DNAI2: variants seen among roughly 807,000 people sequenced by gnomAD.
The protein encoded by DNAI2 is dynein axonemal intermediate chain 2, also known as dynein, axonemal, intermediate polypeptide 2.
A neutral mutation model predicts 74.7 loss-of-function variants in DNAI2; 63 were observed. That is an observed-to-expected ratio of 0.84 (90% CI 0.69 to 1.04). DNAI2 has a LOEUF of 1.04. Ranked by LOEUF, DNAI2 falls within the 50% of genes least tolerant of loss-of-function variation. The pLI, the probability that DNAI2 is intolerant of heterozygous loss-of-function variation, is 0.00. For missense variants in DNAI2, 688 were observed against 803.2 expected (o/e 0.86, Z 1.73); for synonymous variants, 289 against 314.9 (o/e 0.92, Z 0.87).
chr17:74,276,339 G>A (rs1441282649), intron 1 of DNAI2, among the ~76,000 whole-genome samples: 1 of 152,178 alleles, frequency 6.6e-6, no homozygotes, highest in Non-Finnish European at 1.5e-5. Context: ...GACTCACAGT[G>A]GTGTTCTTCA....
chr17:74,289,561 C>T (rs763157679), intron 4 of DNAI2, 33 bp from the exon 5 acceptor site: 1 of 1,613,140 alleles, frequency 6.2e-7, no homozygotes, highest in African/African-American at 1.3e-5. Context: ...AACCTCACAT[C>T]CAGCCTTCTG....
At chr17:74,314,461 GC>G (rs1267642975) in intron 13 of DNAI2, 127 bp from the exon 14 acceptor site, 2 of 689,350 alleles carry the variant, frequency 2.9e-6, no homozygotes. Context: ...GGAGCTGGCT[GC>G]CCCATTGTCT....
chr17:74,302,521 C>G (rs10451226), intron 8 of DNAI2, among the ~76,000 whole-genome samples: 2 of 151,776 alleles, frequency 1.3e-5, no homozygotes, highest in Non-Finnish European at 2.9e-5. Flanking sequence ...GAGCCAAGAT[C>G]GCATCATTGC....
Position 74,301,078 on chromosome 17 carries a change from GC to G in DNAI2, c.900del (p.Thr301LeufsTer4). ...GGTGGGACATCCGAAAGATGAGCGA[GC>G]CCACTGAAGTTGTGATCTTGGACAT... is the stretch of plus-strand genomic sequence containing the variant. Reference protein sequence around the residue: ...MWWDIRKMSEPTEVVILDITK... With the variant: ...MWWDIRKMSEXTEVVILDITK... On this transcript the variant is annotated frameshift_variant, in exon 8 of 14. Coordinates refer to ENST00000311014, the MANE Select transcript of DNAI2 (RefSeq NM_023036.6). LOFTEE classifies it high-confidence loss of function. 1 of 1,614,094 alleles carries G rather than the reference GC, an allele frequency of 6.2e-7. No homozygotes were observed. Among genetic ancestry groups the G allele is most frequent in the Non-Finnish European group, 8.5e-7 (1 of 1,179,980 alleles).
intron 6 of DNAI2, among the ~76,000 whole-genome samples, chr17:74,295,553 C>T (rs565040402): frequency 2.7e-4 from 41 of 152,186 alleles, no homozygotes; most frequent in African/African-American, 9.2e-4. Context: ...TCTAGTTAGT[C>T]CAATATCTGG....
intron 6 of DNAI2, among the ~76,000 whole-genome samples, chr17:74,296,346 G>GGAGAGAGAGAGAGA (rs1555611113): frequency 3.2e-4 from 27 of 83,212 alleles, no homozygotes; most frequent in African/African-American, 5.7e-4. Context: ...GAGAGAGAGA[G>GGAGAGAGAGAGAGA]GAGAGAGAGA....
intron 4 of DNAI2, among the ~76,000 whole-genome samples, chr17:74,288,890 G>A (rs2051914457): frequency 6.6e-6 from 1 of 152,190 alleles, no homozygotes; most frequent in Non-Finnish European, 1.5e-5. Flanking sequence ...GAAGCCTGTG[G>A]ACCTGGGGCA....
intron 8 of DNAI2, among the ~76,000 whole-genome samples, chr17:74,302,567 C>CAA (rs369371635): frequency 2.1e-5 from 3 of 144,950 alleles, no homozygotes; most frequent in African/African-American, 7.6e-5. Context: ...AACTCCATCT[C>CAA]AAAAAAAAAA....
chr17:74,289,664 G>A lies in DNAI2; in HGVS notation c.538G>A (p.Val180Met). 1 of 1,614,166 alleles carries A rather than the reference G, an allele frequency of 6.2e-7. No homozygotes were observed. Among genetic ancestry groups the A allele is most frequent in the Non-Finnish European group, 8.5e-7 (1 of 1,180,040 alleles). The change falls in exon 5 of 14, where the codon GTG becomes ATG. Residue 180 changes from valine (V) to methionine (M), a missense_variant. Physicochemically the swap from Val to Met is conservative, Grantham distance 21. Coordinates refer to ENST00000311014, the MANE Select transcript of DNAI2 (RefSeq NM_023036.6). ...CCCCGATGGCAACAGGAAGTTGGCA[G>A]TGGCATACTCCTGCTTGGATTTTCA... ...WHPDGNRKLA[V>M]AYSCLDFQRA...
At chr17:74,274,899 GC>G (rs1390858580) in intron 1 of DNAI2, among the ~76,000 whole-genome samples, 3 of 152,314 alleles carry the variant, frequency 2.0e-5, no homozygotes, top group African/African-American at 7.2e-5. Flanking sequence ...CGGAGCGTGT[GC>G]AGTTCCTCCT....
rs750213486 is a variant in DNAI2, at chr17:74,305,223, C to T, written c.992C>T (p.Thr331Ile). The change falls in exon 9 of 14, where the codon ACC (threonine) becomes ATC (isoleucine). Residue 331 changes from threonine to isoleucine, a missense_variant. Coordinates refer to ENST00000311014, the MANE Select transcript of DNAI2 (RefSeq NM_023036.6). ...ISLEFESTLP[T>I]KFMVGTEQGI... ...CCTGTGTCACTCCTTCCACAGCCCA[C>T]CAAGTTCATGGTGGGGACCGAGCAG... 9 of 1,614,184 alleles carry T rather than the reference C, an allele frequency of 5.6e-6. 1 individual carries two copies. In the South Asian group the frequency reaches 9.9e-5, roughly 18 times the overall value.
chr17:74,278,159 T>C (rs968501324), intron 1 of DNAI2, among the ~76,000 whole-genome samples: 4 of 151,832 alleles, frequency 2.6e-5, no homozygotes, highest in Admixed American at 6.6e-5. Flanking sequence ...ATCTCGAAAA[T>C]GGGCTCATGC....
chr17:74,302,118 G>A (rs897324102), intron 8 of DNAI2, among the ~76,000 whole-genome samples: 1 of 135,982 alleles, frequency 7.4e-6, no homozygotes, highest in African/African-American at 2.8e-5. Flanking sequence ...AAGGAAGGAA[G>A]GAAAGAAAAA....
Position 74,287,108 on chromosome 17 carries a change from T to C in DNAI2, c.467+10T>C, listed in dbSNP as rs377310209. The stretch of plus-strand genomic sequence containing the variant: ...CCATCAATGTGTTCAGGTAGCGCCA[T>C]AGCCAGGCAGGTGTCTGGCCACCCT... On this transcript the variant is annotated intron_variant, in intron 4 of 13. Transcript: ENST00000311014. 2.5e-5 allele frequency: 41 copies of C among 1,613,468 alleles called. No homozygotes were observed. The highest frequency in any genetic ancestry group is 3.2e-5 in the Non-Finnish European group (38 of 1,179,684).
intron 2 of DNAI2, among the ~76,000 whole-genome samples, chr17:74,284,654 T>C (rs1316268440): frequency 4.6e-5 from 7 of 152,166 alleles, no homozygotes. Context: ...CCTCGTGATC[T>C]GCTCGCCTCG....
At position 74,289,618 on chromosome 17, in the gene DNAI2, T is replaced by A. The variant is rs1020446424; in HGVS notation, c.492T>A (p.Ala164=). The A allele has an allele frequency of 6.2e-7, 1 of 1,614,012 alleles. No homozygotes were observed. Among genetic ancestry groups the A allele is most frequent in the African/African-American group, 1.3e-5 (1 of 74,984 alleles). The part of the protein sequence containing the change: ...VFRDPQEIKR[A]ATHLSWHPDG... Reference sequence around the variant, plus strand: ...GGGACCCCCAGGAAATCAAGAGGGCTGCCACACACCTCTCCTGGCACCCCG... The same window carrying A: ...GGGACCCCCAGGAAATCAAGAGGGCAGCCACACACCTCTCCTGGCACCCCG... The change falls in exon 5 of 14, where the codon GCT becomes GCA. Residue 164 remains alanine (A), a synonymous_variant. Transcript: ENST00000311014.
chr17:74,289,533 A>T, intron 4 of DNAI2, 61 bp from the exon 5 acceptor site: 2 of 1,576,086 alleles, frequency 1.3e-6, no homozygotes. Context: ...AAAAAAAAAA[A>T]AGGGGGAGAA....
chr17:74,309,654 C>T lies in DNAI2; in HGVS notation c.1347+266C>T, dbSNP rs12051676. 255,209 of 684,382 alleles carry T rather than the reference C, an allele frequency of 0.37. 53,192 individuals are homozygous for T. The highest frequency in any genetic ancestry group is 0.72 in the East Asian group (25,617 of 35,520). The allele number at this position is 684,382 out of a possible 1,614,324, so 42.4% of individuals were successfully genotyped here. A position where few individuals can be genotyped will look rare whatever the true frequency, so the allele number is the denominator to read the frequency against. On this transcript the variant is annotated intron_variant, in intron 10 of 13. Transcript: ENST00000311014. ...TTAAAAAGAAACAAAAGCAGGTACC[C>T]GGCATCTCCTACCCACAGGCCGATT...
rs538447244 is a variant in DNAI2, at chr17:74,301,773, A to ACC, written c.987+612_987+613dup. Reference sequence around the variant, plus strand: ...AAGACCAGCCTGGGTACATAATGAGACCCCCCCCACCGCCCGCCCAGTCTT... The same window carrying ACC: ...AAGACCAGCCTGGGTACATAATGAGACCCCCCCCCCACCGCCCGCCCAGTCTT... On this transcript the variant is annotated intron_variant, in intron 8 of 13. Coordinates refer to ENST00000311014, the MANE Select transcript of DNAI2 (RefSeq NM_023036.6). Among the ~76,000 whole-genome samples the ACC allele has an allele frequency of 3.6e-3, 506 of 139,434 alleles. 6 individuals carry two copies. Among genetic ancestry groups the ACC allele is most frequent in the African/African-American group, 0.013 (487 of 36,678 alleles). 91.5% of individuals were successfully genotyped at this position (139,434 alleles called of 152,430 possible).
Sources: allele counts gnomAD v4.1 joint callset (sites outside exome capture counted in the v4.1 genomes callset), GRCh38; gene constraint gnomAD v4.1.1; transcripts MANE v1.5; gene names NCBI Gene and HGNC (gene_info 2026-07-23, HGNC 2026-07-21).